ACSF3: variants seen among roughly 807,000 people sequenced by gnomAD.
The protein encoded by ACSF3 is malonate--CoA ligase ACSF3, mitochondrial.
Under a neutral mutation model 53.2 loss-of-function variants are expected in ACSF3, and 78 were observed. That is an observed-to-expected ratio of 1.47 (90% CI 1.22 to 1.77). The LOEUF is 1.77. Among genes scored for constraint, ACSF3 ranks in the 40% most tolerant of loss-of-function variants. The pLI is 0.00. For missense variants in ACSF3, 937 were observed against 771.1 expected (o/e 1.22, Z -2.55); for synonymous variants, 414 against 333.1 (o/e 1.24, Z -2.65).
At chr16:89,121,790 G>C (rs1038418572) in intron 7 of ACSF3, among the ~76,000 whole-genome samples, 1 of 152,224 alleles carries the variant, frequency 6.6e-6, no homozygotes, top group Non-Finnish European at 1.5e-5. Context: ...TCTCGTGAGT[G>C]AACAGCCACA....
chr16:89,115,122 C>T (rs1252195200), intron 6 of ACSF3: 3 of 213,932 alleles, frequency 1.4e-5, no homozygotes, highest in Non-Finnish European at 2.9e-5. Context: ...CGCAGCCCTT[C>T]CAGTCTGTCT....
rs1237387608 is a variant in ACSF3, at chr16:89,101,428, C to CA, written c.666+82dup. 4.5e-6 allele frequency: 7 copies of CA among 1,544,936 alleles called. No homozygotes were observed. In the South Asian group the frequency reaches 6.0e-5, roughly 13 times the overall value. ...GCTCCGGGCCAGAAGCACATCTTTTCATTCGCTTTTCTGTGGAGTCATTCA... is the reference window on the plus strand; with the variant it reads ...GCTCCGGGCCAGAAGCACATCTTTTCAATTCGCTTTTCTGTGGAGTCATTCA... On this transcript the variant is annotated intron_variant, in intron 3 of 10. Transcript: ENST00000614302.
At chr16:89,113,842 A>G (rs767826156) in intron 5 of ACSF3, 4 of 269,228 alleles carry the variant, frequency 1.5e-5, no homozygotes, top group Non-Finnish European at 2.9e-5. Context: ...GCCCGGCCCC[A>G]CCCCTTGGGT....
In ACSF3 at chr16:89,100,966, G is replaced by A. The variant is rs187962814; in HGVS notation, c.285G>A (p.Glu95=). The part of the protein sequence containing the change: ...LCGCVGGDLR[E]ERVSFLCAND... ...GGTGTGTCGGCGGGGACCTCCGGGAGGAGAGGGTCTCCTTCCTATGCGCTA... is the reference window on the plus strand; with the variant it reads ...GGTGTGTCGGCGGGGACCTCCGGGAAGAGAGGGTCTCCTTCCTATGCGCTA... The change falls in exon 3 of 11, where the codon GAG becomes GAA. Residue 95 remains glutamate (E), a synonymous_variant. Coordinates refer to ENST00000614302, the MANE Select transcript of ACSF3 (RefSeq NM_001243279.3). The A allele has an allele frequency of 2.5e-4, 401 of 1,613,638 alleles. 3 individuals carry two copies. In the East Asian group the frequency reaches 8.7e-3, roughly 35 times the overall value.
rs116588936 is a variant in ACSF3, at chr16:89,103,043, C to T, written c.822+284C>T. ...TAAAGCTTAATTTATAAGTTAGGCA[C>T]AGTAAGAGGTTAACAATAACAGAAC... is the stretch of plus-strand genomic sequence containing the variant. On this transcript the variant is annotated intron_variant, in intron 4 of 10. Coordinates refer to ENST00000614302, the MANE Select transcript of ACSF3 (RefSeq NM_001243279.3). 2.5e-3 allele frequency among the ~76,000 whole-genome samples: 387 copies of T among 152,344 alleles called. 2 individuals carry two copies. The highest frequency in any genetic ancestry group is 9.0e-3 in the African/African-American group (373 of 41,572).
intron 8 of ACSF3, among the ~76,000 whole-genome samples, chr16:89,139,910 A>T (rs772549299): frequency 3.3e-5 from 5 of 151,944 alleles, no homozygotes; most frequent in Admixed American, 6.5e-5. Flanking sequence ...CCTCTTTTTA[A>T]CGTACAGGGT....
chr16:89,104,739 G>A (rs571510922), intron 4 of ACSF3, among the ~76,000 whole-genome samples: 4 of 152,166 alleles, frequency 2.6e-5, no homozygotes, highest in Non-Finnish European at 1.5e-5. Flanking sequence ...TCTCATCCCC[G>A]GAAAATAAGG....
At chr16:89,120,773 C>T (rs866638486) in intron 6 of ACSF3, 28 bp from the exon 7 acceptor site, 1 of 1,604,406 alleles carries the variant, frequency 6.2e-7, no homozygotes, top group Admixed American at 1.7e-5. Context: ...ACTCCAGCCT[C>T]CCCTTCAGTG....
intron 10 of ACSF3, chr16:89,151,278 C>T (rs78406340): frequency 0.07 from 31,364 of 445,250 alleles, 3,166 homozygotes; most frequent in East Asian, 0.35. Context: ...AAGCAAATAG[C>T]AGGCCCAAAA....
intron 1 of ACSF3, among the ~76,000 whole-genome samples, chr16:89,096,849 T>C (rs910885102): frequency 6.6e-6 from 1 of 152,184 alleles, no homozygotes; most frequent in Admixed American, 6.5e-5. Flanking sequence ...GCGTGGGCTC[T>C]CTGGGAGCTG....
rs1253321210 is a variant in ACSF3, at chr16:89,154,310, A to C, written c.*103A>C. ...AAGACCTGGCCTCCCTTAAACCTGA[A>C]CCCCCCAAATCAGGTCACGTAGAAT... On this transcript the variant is annotated 3_prime_UTR_variant, in exon 11 of 11. Transcript: ENST00000614302. 2 of 1,084,482 alleles carry C rather than the reference A, an allele frequency of 1.8e-6. No individual in the cohort carries two copies. The highest frequency in any genetic ancestry group is 5.0e-5 in the East Asian group (2 of 40,396). The allele number at this position is 1,084,482 out of a possible 1,614,324, so 67.2% of individuals were successfully genotyped here. A position where few individuals can be genotyped will look rare whatever the true frequency, so the allele number is the denominator to read the frequency against.
At chr16:89,110,046 A>G (rs1392622117) in intron 4 of ACSF3, among the ~76,000 whole-genome samples, 2 of 152,244 alleles carry the variant, frequency 1.3e-5, no homozygotes, top group African/African-American at 4.8e-5. Context: ...ACGGTTTACA[A>G]ATATTTCCTC....
At chr16:89,128,180 T>C (rs2151504062) in intron 7 of ACSF3, among the ~76,000 whole-genome samples, 1 of 151,754 alleles carries the variant, frequency 6.6e-6, no homozygotes, top group African/African-American at 2.4e-5. Context: ...AATGTGTACA[T>C]TTAATGACGT....
rs578089322 is a variant in ACSF3 at position 89,094,528 on chromosome 16, G to A, written c.-194+532G>A. Among the ~76,000 whole-genome samples, 19 of 152,294 alleles carry A rather than the reference G, an allele frequency of 1.2e-4. No individual in the cohort carries two copies. In the South Asian group the frequency reaches 3.7e-3, roughly 30 times the overall value. On this transcript the variant is annotated intron_variant, in intron 1 of 10. Coordinates refer to ENST00000614302, the MANE Select transcript of ACSF3 (RefSeq NM_001243279.3). ...AGGTACTGCAGGCAGCCCATTCCCT[G>A]GAGAGAGGGAAGGTTTAAAGGGGTG...
At chr16:89,099,196 G>A (rs527522119) in intron 2 of ACSF3, among the ~76,000 whole-genome samples, 224 of 152,378 alleles carry the variant, frequency 1.5e-3, no homozygotes, top group African/African-American at 5.1e-3. Context: ...GCATCCTGGG[G>A]CGGTGTCCCG....
chr16:89,114,483 G>T lies in ACSF3; in HGVS notation c.1122G>T (p.Leu374=). 6.2e-7 allele frequency: 1 copy of T among 1,611,404 alleles called. No homozygotes were observed. Residue 374 remains leucine, a synonymous_variant, in exon 6 of 11, where the codon CTG becomes CTT. Transcript: ENST00000614302. Reference sequence around the variant, plus strand: ...GGCCCCTGACCACTGCCGTGCGCCTGCCAGGTACGAGCACTTCCCACAGCT... The same window carrying T: ...GGCCCCTGACCACTGCCGTGCGCCTTCCAGGTACGAGCACTTCCCACAGCT... ...LSGPLTTAVR[L]PGSVGTPLPG... is the part of the protein sequence containing the mutation.
chr16:89,102,421 A>G, intron 3 of ACSF3, 183 bp from the exon 4 acceptor site: 2 of 689,586 alleles, frequency 2.9e-6, no homozygotes, highest in Non-Finnish European at 5.1e-6. Context: ...GACCCAGCAG[A>G]TCTGCTGTGG....
chr16:89,114,082 G>A (rs371538936), intron 5 of ACSF3: 20 of 544,662 alleles, frequency 3.7e-5, no homozygotes, highest in African/African-American at 3.4e-4. Context: ...ACCCTCATTA[G>A]CTGTTGGACC....
At chr16:89,148,849 G>A (rs930208793) in intron 10 of ACSF3, 3 of 152,300 alleles carry the variant, frequency 2.0e-5, no homozygotes, top group Admixed American at 1.3e-4. Context: ...TATGATGAGA[G>A]GCACTTCCAT....
Sources: gnomAD v4.1 joint callset for allele counts (sites outside exome capture counted in the v4.1 genomes callset) on GRCh38, gnomAD v4.1.1 for gene constraint, MANE v1.5 for transcripts, NCBI Gene and HGNC (gene_info 2026-07-23, HGNC 2026-07-21) for gene names.